LIPC: variants seen among roughly 807,000 people sequenced by gnomAD.
LIPC encodes the protein hepatic triacylglycerol lipase.
A neutral mutation model predicts 50.7 loss-of-function variants in LIPC; 44 were observed. The ratio of observed to expected loss-of-function variants is 0.87; its 90% CI spans 0.68 to 1.11. The LOEUF (loss-of-function observed/expected upper bound fraction) is 1.11, where lower values mean the gene tolerates loss of function less well. Ranked by LOEUF, LIPC falls within the 50% of genes most tolerant of loss-of-function variation. The pLI, the probability that LIPC is intolerant of heterozygous loss-of-function variation, is 0.00. For missense variants in LIPC, 697 were observed against 648.2 expected (o/e 1.08, Z -0.82); for synonymous variants, 271 against 256.4 (o/e 1.06, Z -0.54).
intron 1 of LIPC, chr15:58,436,867 A>G (rs1566905932): frequency 2.2e-6 from 1 of 456,304 alleles, no homozygotes; most frequent in East Asian, 6.9e-5. Flanking sequence ...ACAGCTGATA[A>G]AGTACATGTG....
intron 1 of LIPC, among the ~76,000 whole-genome samples, chr15:58,455,915 A>G (rs1324251739): frequency 6.6e-6 from 1 of 152,180 alleles, no homozygotes; most frequent in African/African-American, 2.4e-5. Context: ...GTGTCTACAT[A>G]AAAAGAGACC....
chr15:58,451,731 G>A (rs745603269), intron 1 of LIPC, among the ~76,000 whole-genome samples: 11 of 152,184 alleles, frequency 7.2e-5, no homozygotes, highest in Non-Finnish European at 1.2e-4. Context: ...GCAGACCGTG[G>A]AGGACTGGCT....
intron 1 of LIPC, among the ~76,000 whole-genome samples, chr15:58,527,981 T>C (rs1892842864): frequency 6.6e-6 from 1 of 151,960 alleles, no homozygotes; most frequent in African/African-American, 2.4e-5. Flanking sequence ...TCCAACATGC[T>C]TTCAGCCCAC....
chr15:58,484,662 T>C (rs570638863), intron 1 of LIPC, among the ~76,000 whole-genome samples: 1 of 152,350 alleles, frequency 6.6e-6, no homozygotes, highest in Non-Finnish European at 1.5e-5. Flanking sequence ...GTGGGGCTCA[T>C]GGGGCATGGG....
intron 8 of LIPC, chr15:58,565,109 T>G (rs1210328187): frequency 1.5e-6 from 2 of 1,306,782 alleles, no homozygotes; most frequent in Non-Finnish European, 2.1e-6. Context: ...AACCGCACTC[T>G]GAGATTTTAT....
Position 58,568,952 on chromosome 15 carries a change from AG to A in LIPC, c.*131del. 1.6e-6 allele frequency: 1 copy of A among 611,734 alleles called. No individual in the cohort carries two copies. Among genetic ancestry groups the A allele is most frequent in the Non-Finnish European group, 2.8e-6 (1 of 352,696 alleles). The allele number at this position is 611,734 out of a possible 1,614,324, so 37.9% of individuals were successfully genotyped here. On this transcript the variant is annotated 3_prime_UTR_variant, in exon 9 of 9. Transcript: ENST00000299022. Reference sequence around the variant, plus strand: ...AAAGCTTAAATAAAGTTTAGATTTAAGGGGGGTATGTTTCACTCTCATAAAC... The same window carrying A: ...AAAGCTTAAATAAAGTTTAGATTTAAGGGGGTATGTTTCACTCTCATAAAC...
At chr15:58,542,694 G>T in intron 4 of LIPC, 43 bp downstream of exon 4, 1 of 1,321,808 alleles carries the variant, frequency 7.6e-7, no homozygotes, top group Non-Finnish European at 1.1e-6. Flanking sequence ...CCACTCCATA[G>T]GGGCATCCAA....
At chr15:58,444,982 A>G (rs980938220) in intron 1 of LIPC, among the ~76,000 whole-genome samples, 2 of 152,228 alleles carry the variant, frequency 1.3e-5, no homozygotes, top group Admixed American at 6.5e-5. Flanking sequence ...GAAATTTGAA[A>G]GTGAGTAGTA....
At chr15:58,494,952 A>G (rs952611614) in intron 1 of LIPC, 8 of 446,812 alleles carry the variant, frequency 1.8e-5, no homozygotes, top group African/African-American at 1.6e-4. Context: ...AGGTTCCAAA[A>G]CACCCAGCCC....
At chr15:58,499,812 G>A (rs1228679904) in intron 1 of LIPC, among the ~76,000 whole-genome samples, 1 of 152,130 alleles carries the variant, frequency 6.6e-6, no homozygotes, top group Non-Finnish European at 1.5e-5. Flanking sequence ...TAACAGAAGT[G>A]GTCTAGGAAA....
intron 1 of LIPC, among the ~76,000 whole-genome samples, chr15:58,445,752 C>G (rs185255917): frequency 2.0e-4 from 30 of 152,322 alleles, no homozygotes; most frequent in African/African-American, 7.0e-4. Context: ...AGACCTCGGT[C>G]AGTCATTAGT....
chr15:58,456,729 C>T (rs113549215), intron 1 of LIPC, among the ~76,000 whole-genome samples: 11 of 152,354 alleles, frequency 7.2e-5, no homozygotes, highest in East Asian at 1.9e-4. Flanking sequence ...AAATGTCCCC[C>T]GCAACCCATC....
chr15:58,543,523 C>A (rs1297933297), intron 4 of LIPC, among the ~76,000 whole-genome samples: 1 of 152,206 alleles, frequency 6.6e-6, no homozygotes, highest in Non-Finnish European at 1.5e-5. Flanking sequence ...GCCACTCAAA[C>A]TCCTCCTCAT....
chr15:58,434,641 C>G (rs890185752), intron 1 of LIPC, among the ~76,000 whole-genome samples: 3 of 152,246 alleles, frequency 2.0e-5, no homozygotes, highest in Admixed American at 6.5e-5. Context: ...GACAGTTGTT[C>G]CTGCCCTTCA....
chr15:58,530,503 A>AC (rs1243465475), intron 1 of LIPC, among the ~76,000 whole-genome samples: 1 of 152,256 alleles, frequency 6.6e-6, no homozygotes, highest in African/African-American at 2.4e-5. Context: ...ATGCCGCTCA[A>AC]CCTGGATCAA....
chr15:58,519,626 G>A (rs1330988379), intron 1 of LIPC, among the ~76,000 whole-genome samples: 1 of 152,198 alleles, frequency 6.6e-6, no homozygotes, highest in African/African-American at 2.4e-5. Flanking sequence ...GGTTCTCTCT[G>A]CCTTGCTTAG....
chr15:58,513,244 C>T (rs1892387472), intron 1 of LIPC, among the ~76,000 whole-genome samples: 1 of 152,296 alleles, frequency 6.6e-6, no homozygotes, highest in South Asian at 2.1e-4. Flanking sequence ...ATGACACTCC[C>T]TTGATGTGAA....
At chr15:58,534,855 TC>T (rs1262043818) in intron 1 of LIPC, among the ~76,000 whole-genome samples, 2 of 152,232 alleles carry the variant, frequency 1.3e-5, no homozygotes, top group Non-Finnish European at 2.9e-5. Context: ...TTTCTCTTTG[TC>T]CCAAGTTCTT....
chr15:58,449,691 C>T (rs552150291), intron 1 of LIPC, among the ~76,000 whole-genome samples: 5 of 152,184 alleles, frequency 3.3e-5, no homozygotes, highest in East Asian at 1.9e-4. Flanking sequence ...AAGCTTGCGC[C>T]ACCGCACCCT....
Sources: gnomAD v4.1 joint callset for allele counts (sites outside exome capture counted in the v4.1 genomes callset) on GRCh38, gnomAD v4.1.1 for gene constraint, MANE v1.5 for transcripts, NCBI Gene and HGNC (gene_info 2026-07-23, HGNC 2026-07-21) for gene names.